The following HEATR6 variants were observed in gnomAD, a reference collection of about 807,000 sequenced individuals.
HEATR6 encodes the protein HEAT repeat-containing protein 6.
A neutral mutation model predicts 132.8 loss-of-function variants in HEATR6; 106 were observed. The observed-to-expected ratio is 0.80, with a 90% CI of 0.68 to 0.94. The LOEUF is 0.94. HEATR6 is among the 40% of genes least tolerant of loss of function. The pLI is 0.00. For missense variants in HEATR6, 1,339 were observed against 1,425.1 expected (o/e 0.94, Z 0.97); for synonymous variants, 529 against 537.8 (o/e 0.98, Z 0.23).
In HEATR6 at chr17:60,042,401, T is replaced by C. The variant is rs1451651258; in HGVS notation, c.*1162A>G. Among the ~76,000 whole-genome samples the C allele has an allele frequency of 7.0e-6, 1 of 142,096 alleles. No homozygotes were observed. Among genetic ancestry groups the C allele is most frequent in the Non-Finnish European group, 1.5e-5 (1 of 66,558 alleles). The allele number at this position is 142,096 out of a possible 152,430, so 93.2% of individuals were successfully genotyped here. A position where few individuals can be genotyped will look rare whatever the true frequency, so the allele number is the denominator to read the frequency against. ...GCACTGTCAGCATCCTCGCGTCCTG[T>C]GCGGCTGTGAGGCACTGTCAGCATC... On this transcript the variant is annotated 3_prime_UTR_variant, in exon 20 of 20. Coordinates refer to ENST00000184956, the MANE Select transcript of HEATR6 (RefSeq NM_022070.5).
intron 9 of HEATR6, among the ~76,000 whole-genome samples, chr17:60,062,326 T>C (rs2083216469): frequency 6.6e-6 from 1 of 152,236 alleles, no homozygotes; most frequent in Non-Finnish European, 1.5e-5. Context: ...TAAGTTTTCA[T>C]TGTCTGAATA....
chr17:60,053,850 C>T (rs1313572277), intron 14 of HEATR6, among the ~76,000 whole-genome samples: 7 of 152,266 alleles, frequency 4.6e-5, no homozygotes, highest in Middle Eastern at 6.8e-3. Context: ...AAAGGAATGA[C>T]TTAAAGTTGG....
chr17:60,053,176 C>T (rs945653979), intron 14 of HEATR6, among the ~76,000 whole-genome samples: 1 of 152,082 alleles, frequency 6.6e-6, no homozygotes, highest in Non-Finnish European at 1.5e-5. Flanking sequence ...GTTATTCACA[C>T]GAGAGCTAAT....
rs116066325 is a variant in HEATR6, at chr17:60,069,784, G to A, written c.866C>T (p.Pro289Leu). Residue 289 changes from proline to leucine, a missense_variant, in exon 7 of 20, where the codon CCG becomes CTG. Physicochemically the swap from Pro to Leu is moderately conservative, Grantham distance 98. Coordinates refer to ENST00000184956, the MANE Select transcript of HEATR6 (RefSeq NM_022070.5). ...TGTTCGCCCATCATACTGAGGAAGC[G>A]GAGTTGGGTATAACACCGTGGGCAT... The part of the protein sequence containing the change: ...IEMPTVLYPT[P>L]LPQYDGRTPI... 33 of 1,613,970 alleles carry A rather than the reference G, an allele frequency of 2.0e-5. No individual in the cohort carries two copies. The highest frequency in any genetic ancestry group is 4.0e-5 in the African/African-American group (3 of 74,994).
intron 2 of HEATR6, chr17:60,074,306 T>C (rs1343505108): frequency 1.1e-5 from 2 of 179,470 alleles, no homozygotes; most frequent in Non-Finnish European, 2.2e-5. Context: ...GAATACACCA[T>C]GAAGAGAGGG....
intron 18 of HEATR6, 60 bp downstream of exon 18, chr17:60,047,249 C>T: frequency 9.2e-7 from 1 of 1,088,068 alleles, no homozygotes. Flanking sequence ...AACTACCACA[C>T]TGCAGCTACA....
At chr17:60,051,818 A>C (rs916994163) in intron 14 of HEATR6, among the ~76,000 whole-genome samples, 11 of 152,200 alleles carry the variant, frequency 7.2e-5, no homozygotes, top group African/African-American at 2.4e-4. Context: ...CTGGAAACCC[A>C]GTCTGGGTCC....
intron 12 of HEATR6, among the ~76,000 whole-genome samples, chr17:60,056,621 T>C (rs1906751936): frequency 6.6e-6 from 1 of 152,176 alleles, no homozygotes; most frequent in East Asian, 1.9e-4. Context: ...ATAGAAAAAG[T>C]AAACTCTTTT....
rs1456727492 is a variant in HEATR6 at position 60,078,832 on chromosome 17, T to C, written c.83A>G (p.Asn28Ser). 1.3e-5 allele frequency: 21 copies of C among 1,606,268 alleles called. No homozygotes were observed. The highest frequency in any genetic ancestry group is 1.7e-5 in the Admixed American group (1 of 59,332). The change falls in exon 1 of 20, where the codon AAT becomes AGT. Residue 28 changes from asparagine to serine, a missense_variant. Coordinates refer to ENST00000184956, the MANE Select transcript of HEATR6 (RefSeq NM_022070.5). ...CCTGGCAGACAAGAGGCGAAACCCA[T>C]TGCCTCGCTCAGGGATTGCTTCCCG... ...APREAIPERGNGFRLLSARLC... is the reference protein window; with the variant it reads ...APREAIPERGSGFRLLSARLC...
chr17:60,043,577 AC>A lies in HEATR6; in HGVS notation c.3531del (p.Leu1178Ter). The A allele has an allele frequency of 1.2e-6, 2 of 1,609,032 alleles. No homozygotes were observed. The highest frequency in any genetic ancestry group is 1.7e-6 in the Non-Finnish European group (2 of 1,176,282). On this transcript the variant is annotated frameshift_variant, in exon 20 of 20. Coordinates refer to ENST00000184956, the MANE Select transcript of HEATR6 (RefSeq NM_022070.5). LOFTEE classifies it high-confidence loss of function. ...DSSGSQGALP[G>X]LTNQ is the part of the protein sequence containing the mutation. ...TGGTGGGATCTTCACTGATTTGTTAACCCTGGGAGTGCCCCTTGTGATCCAG... is the reference window on the plus strand; with the variant it reads ...TGGTGGGATCTTCACTGATTTGTTAACCTGGGAGTGCCCCTTGTGATCCAG...
chr17:60,072,435 T>C, intron 4 of HEATR6, 106 bp from the exon 5 acceptor site: 2 of 533,472 alleles, frequency 3.7e-6, no homozygotes, highest in Non-Finnish European at 6.7e-6. Flanking sequence ...AGTTGGAATA[T>C]ACCCTTGAGT....
intron 8 of HEATR6, 152 bp from the exon 9 acceptor site, chr17:60,066,538 T>C (rs1597954234): frequency 4.7e-6 from 3 of 633,178 alleles, no homozygotes; most frequent in Admixed American, 3.5e-5. Context: ...CAATGTGTTA[T>C]TAAAAATTTT....
In HEATR6 at chr17:60,073,247, G is replaced by T; in HGVS notation, c.501C>A (p.Leu167=). Residue 167 remains leucine (L), a synonymous_variant, in exon 4 of 20, where the codon CTC becomes CTA. Transcript: ENST00000184956. The part of the protein sequence containing the change: ...YLPELLGNTG[L]LMKLSDLAQS... ...GAGCCAAGTCACTCAACTTCATTAA[G>T]AGTCCGGTGTTGCCTAGCAGCTCTG... 1 of 1,613,562 alleles carries T rather than the reference G, an allele frequency of 6.2e-7. No homozygotes were observed. Among genetic ancestry groups the T allele is most frequent in the Non-Finnish European group, 8.5e-7 (1 of 1,179,520 alleles).
chr17:60,058,835 T>C (rs1906838654), intron 11 of HEATR6, among the ~76,000 whole-genome samples: 1 of 152,188 alleles, frequency 6.6e-6, no homozygotes, highest in Non-Finnish European at 1.5e-5. Context: ...CATCAGAATG[T>C]GGTCCGATCT....
chr17:60,043,753 G>C lies in HEATR6; in HGVS notation c.3356C>G (p.Thr1119Ser), dbSNP rs148859102. The change falls in exon 20 of 20, where the codon ACT (threonine) becomes AGT (serine). Residue 1119 changes from threonine to serine, a missense_variant. Thr to Ser is a moderately conservative substitution (Grantham distance 58, BLOSUM62 1). Transcript: ENST00000184956. ...FLKSGAEGDD[T>S]GAPHSPQERD... ...TTCCTGTGGGCTGTGGGGTGCTCCAGTGTCATCTCCCTCTGCTCCTGATTT... is the reference window on the plus strand; with the variant it reads ...TTCCTGTGGGCTGTGGGGTGCTCCACTGTCATCTCCCTCTGCTCCTGATTT... The C allele has an allele frequency of 3.4e-5, 55 of 1,614,076 alleles. No individual in the cohort carries two copies. The highest frequency in any genetic ancestry group is 3.6e-5 in the Non-Finnish European group (42 of 1,180,036).
chr17:60,061,505 T>G (rs1291543445), intron 9 of HEATR6, among the ~76,000 whole-genome samples: 2 of 152,216 alleles, frequency 1.3e-5, no homozygotes, highest in Non-Finnish European at 2.9e-5. Flanking sequence ...CTGGCAAACT[T>G]TTCTGTAAAG....
intron 15 of HEATR6, among the ~76,000 whole-genome samples, chr17:60,050,518 A>C (rs1906541856): frequency 6.6e-6 from 1 of 152,210 alleles, no homozygotes; most frequent in African/African-American, 2.4e-5. Flanking sequence ...AGAGTCAGCT[A>C]GCAAGTCGAA....
Position 60,043,875 on chromosome 17 carries a change from G to A in HEATR6, c.3234C>T (p.His1078=). Residue 1078 remains histidine (H), a synonymous_variant, in exon 20 of 20, where the codon CAC becomes CAT. Transcript: ENST00000184956. ...CCGAGGCACTGGCCAAGCTCAAGAG[G>A]TGAATCAGTGCCTGGCAGATTTGGG... is the stretch of plus-strand genomic sequence containing the variant. ...LRTQICQALI[H]LLSLASASDL... 6.2e-7 allele frequency: 1 copy of A among 1,614,170 alleles called. No individual in the cohort carries two copies. Among genetic ancestry groups the A allele is most frequent in the Non-Finnish European group, 8.5e-7 (1 of 1,180,036 alleles).
At position 60,057,259 on chromosome 17, in the gene HEATR6, G is replaced by T. The variant is rs768861877; in HGVS notation, c.1868C>A (p.Pro623His). The T allele has an allele frequency of 6.2e-7, 1 of 1,614,198 alleles. No individual in the cohort carries two copies. Among genetic ancestry groups the T allele is most frequent in the South Asian group, 1.1e-5 (1 of 91,080 alleles). Residue 623 changes from proline to histidine, a missense_variant, in exon 12 of 20, where the codon CCT (proline) becomes CAT (histidine). Physicochemically the swap from Pro to His is moderately conservative, Grantham distance 77 (BLOSUM62 -2). Transcript: ENST00000184956. ...NSNSATPHLS[P>H]PDWWKKAPAG... is the part of the protein sequence containing the mutation. ...AGGGGCTTTCTTCCACCAATCAGGA[G>T]GGCTGAGGTGAGGGGTTGCTGAATT...
Sources: gnomAD v4.1 joint callset for allele counts (sites outside exome capture counted in the v4.1 genomes callset) on GRCh38, gnomAD v4.1.1 for gene constraint, MANE v1.5 for transcripts, NCBI Gene and HGNC (gene_info 2026-07-23, HGNC 2026-07-21) for gene names.